DLGAP2: variants seen among roughly 807,000 people sequenced by gnomAD.
DLGAP2 encodes DLG associated protein 2, also known as disks large-associated protein 2.
Under a neutral mutation model 100.3 loss-of-function variants are expected in DLGAP2, and 26 were observed. The ratio of observed to expected loss-of-function variants is 0.26; its 90% CI spans 0.19 to 0.36. DLGAP2 has a LOEUF of 0.36. DLGAP2 is among the 10% of genes least tolerant of loss of function. The probability of loss-of-function intolerance (pLI) is 1.00; values close to 1 mark genes in which losing one functional copy is unlikely to be tolerated. For missense variants in DLGAP2, 1,858 were observed against 1,453.2 expected, an observed-to-expected ratio of 1.28 and a Z score of -4.53; for synonymous variants, 886 against 630.1, an observed-to-expected ratio of 1.41 and a Z score of -6.08.
In DLGAP2 at chr8:1,419,322, CGTGTGT is replaced by C. The variant is rs142626887; in HGVS notation, c.107-82019_107-82014del. ...TGGGATACTATGTTACACTCTGATA[CGTGTGT>C]GTGTGTGTGTGTGTGTGTGTGTGTA... On this transcript the variant is annotated intron_variant, in intron 3 of 14. Coordinates refer to ENST00000637795, the MANE Select transcript of DLGAP2 (RefSeq NM_001346810.2). Among the ~76,000 whole-genome samples the C allele has an allele frequency of 8.0e-3, 438 of 54,626 alleles. 15 individuals are homozygous for C. The highest frequency in any genetic ancestry group is 0.01 in the Middle Eastern group (1 of 100). 35.8% of individuals were successfully genotyped at this position (54,626 alleles called of 152,430 possible). A position where few individuals can be genotyped will look rare whatever the true frequency, so the allele number is the denominator to read the frequency against.
chr8:1,539,247 G>A (rs774742388), intron 4 of DLGAP2, among the ~76,000 whole-genome samples: 6 of 152,190 alleles, frequency 3.9e-5, no homozygotes, highest in Non-Finnish European at 8.8e-5. Context: ...CAGACTCTGA[G>A]AGAGCTCAGG....
chr8:1,691,808 G>A lies in DLGAP2; in HGVS notation c.2796+182G>A, dbSNP rs147034424. Reference sequence around the variant, plus strand: ...GAGACGATTCGGCCCTGGTTTAAACGCGGTACCGAGGCAGGGAGGCGGATA... The same window carrying A: ...GAGACGATTCGGCCCTGGTTTAAACACGGTACCGAGGCAGGGAGGCGGATA... On this transcript the variant is annotated intron_variant, in intron 13 of 14. Transcript: ENST00000637795. Among the ~76,000 whole-genome samples the A allele has an allele frequency of 4.2e-3, 634 of 151,694 alleles. 6 individuals carry two copies. The highest frequency in any genetic ancestry group is 0.015 in the African/African-American group (598 of 41,218).
At chr8:1,220,495 A>C (rs1474952516) in intron 2 of DLGAP2, among the ~76,000 whole-genome samples, 1 of 151,960 alleles carries the variant, frequency 6.6e-6, no homozygotes. Flanking sequence ...GGTTTATTTC[A>C]ATTTGTTGAG....
At chr8:763,610 T>G (rs371966729) in intron 1 of DLGAP2, among the ~76,000 whole-genome samples, 1 of 152,090 alleles carries the variant, frequency 6.6e-6, no homozygotes. Context: ...TGGCAGACGT[T>G]AGGCAGGTGA....
chr8:1,256,375 C>G (rs985988917), intron 2 of DLGAP2, among the ~76,000 whole-genome samples: 4,691 of 127,248 alleles, frequency 0.037, 375 homozygotes, highest in African/African-American at 0.14. Flanking sequence ...TGTGTGTGTC[C>G]TCTCATCCTG....
intron 2 of DLGAP2, among the ~76,000 whole-genome samples, chr8:1,038,832 T>G (rs1414579254): frequency 4.6e-5 from 7 of 152,220 alleles, no homozygotes; most frequent in Non-Finnish European, 1.0e-4. Context: ...CATGTTTTTT[T>G]CAGTCGGAAA....
intron 2 of DLGAP2, among the ~76,000 whole-genome samples, chr8:1,232,331 C>T (rs1276112441): frequency 6.6e-6 from 1 of 152,224 alleles, no homozygotes; most frequent in Non-Finnish European, 1.5e-5. Flanking sequence ...CCTCTGGCCC[C>T]ACAGGCTGTG....
chr8:1,374,175 A>G (rs564031112), intron 3 of DLGAP2, among the ~76,000 whole-genome samples: 1 of 149,934 alleles, frequency 6.7e-6, no homozygotes, highest in South Asian at 2.1e-4. Context: ...AGGTTTGCAG[A>G]GGGCTGTGGT....
At chr8:1,519,100 G>A (rs986472793) in intron 4 of DLGAP2, among the ~76,000 whole-genome samples, 2 of 152,166 alleles carry the variant, frequency 1.3e-5, no homozygotes, top group African/African-American at 2.4e-5. Context: ...GAAGGGATAC[G>A]AAGGCTTGGC....
chr8:958,836 A>G lies in DLGAP2; in HGVS notation c.73+50870A>G, dbSNP rs1799656900. ...ATGGGAGCAGGATCTACAGGAAAAG[A>G]TTTGATGATGGGACAGGAGACAGTT... On this transcript the variant is annotated intron_variant, in intron 2 of 14. Transcript: ENST00000637795. 2.0e-5 allele frequency among the ~76,000 whole-genome samples: 3 copies of G among 152,366 alleles called. No homozygotes were observed. The South Asian group carries it at 6.2e-4, about 32-fold the overall frequency.
intron 2 of DLGAP2, among the ~76,000 whole-genome samples, chr8:1,147,731 C>G (rs1796632361): frequency 6.6e-6 from 1 of 152,032 alleles, no homozygotes; most frequent in Non-Finnish European, 1.5e-5. Context: ...CTGTGTCTCC[C>G]AGGCTGAACT....
intron 3 of DLGAP2, among the ~76,000 whole-genome samples, chr8:1,457,745 C>A (rs896437414): frequency 2.0e-5 from 3 of 151,914 alleles, no homozygotes; most frequent in African/African-American, 4.8e-5. Context: ...CACACACCTC[C>A]CCCGTCCCAC....
At chr8:1,096,131 C>T (rs1204513227) in intron 2 of DLGAP2, among the ~76,000 whole-genome samples, 1 of 152,162 alleles carries the variant, frequency 6.6e-6, no homozygotes, top group Non-Finnish European at 1.5e-5. Context: ...TAAACGTGTT[C>T]TAGGTGTGTT....
chr8:1,538,692 G>A lies in DLGAP2; in HGVS notation c.173-9934G>A, dbSNP rs555433138. On this transcript the variant is annotated intron_variant, in intron 4 of 14. Coordinates refer to ENST00000637795, the MANE Select transcript of DLGAP2 (RefSeq NM_001346810.2). Reference sequence around the variant, plus strand: ...GGCCCTCTTTTCTAGGAATTGGATTGTACCATTGTCATTCCAACCTCTCTT... The same window carrying A: ...GGCCCTCTTTTCTAGGAATTGGATTATACCATTGTCATTCCAACCTCTCTT... Among the ~76,000 whole-genome samples, 4 of 152,198 alleles carry A rather than the reference G, an allele frequency of 2.6e-5. No homozygotes were observed. The East Asian group carries it at 7.7e-4, about 29-fold the overall frequency.
intron 6 of DLGAP2, among the ~76,000 whole-genome samples, chr8:1,583,943 G>A (rs76549702): frequency 4.6e-4 from 70 of 152,038 alleles, no homozygotes; most frequent in African/African-American, 1.6e-3. Context: ...CCTTGCTGCC[G>A]GTCATCCTTC....
intron 3 of DLGAP2, among the ~76,000 whole-genome samples, chr8:1,436,813 G>C (rs1005359196): frequency 1.3e-5 from 2 of 152,242 alleles, no homozygotes; most frequent in African/African-American, 4.8e-5. Flanking sequence ...TTCATGGTGA[G>C]TGTCCTCTGC....
intron 6 of DLGAP2, among the ~76,000 whole-genome samples, chr8:1,577,032 C>T (rs987071295): frequency 1.4e-4 from 22 of 152,198 alleles, no homozygotes; most frequent in African/African-American, 5.1e-4. Context: ...CTACAGGCTA[C>T]AGTAACCGAG....
Position 1,164,123 on chromosome 8 carries a change from CCG to C in DLGAP2, c.74-94727_74-94726del, listed in dbSNP as rs1262985565. Among the ~76,000 whole-genome samples, 25 of 91,930 alleles carry C rather than the reference CCG, an allele frequency of 2.7e-4. 6 individuals are homozygous for C. The highest frequency in any genetic ancestry group is 9.8e-4 in the African/African-American group (24 of 24,486). 60.3% of individuals were successfully genotyped at this position (91,930 alleles called of 152,430 possible). On this transcript the variant is annotated intron_variant, in intron 2 of 14. Transcript: ENST00000637795. Reference sequence around the variant, plus strand: ...AGATTTTTCTGTGAGCCCGCAGGGCCCGTCATTTTGGTTTGTGGGGATTTTTC... The same window carrying C: ...AGATTTTTCTGTGAGCCCGCAGGGCCTCATTTTGGTTTGTGGGGATTTTTC...
intron 3 of DLGAP2, among the ~76,000 whole-genome samples, chr8:1,367,557 C>G (rs1457631998): frequency 6.6e-6 from 1 of 152,220 alleles, no homozygotes; most frequent in Non-Finnish European, 1.5e-5. Context: ...GGATCGTTGT[C>G]ACCTCCCCTC....
Sources: allele counts gnomAD v4.1 joint callset (sites outside exome capture counted in the v4.1 genomes callset), GRCh38; gene constraint gnomAD v4.1.1; transcripts MANE v1.5; gene names NCBI Gene and HGNC (gene_info 2026-07-23, HGNC 2026-07-21).